The following GRID2 variants were observed in gnomAD, a reference collection of about 807,000 sequenced individuals.
The protein encoded by GRID2 is glutamate ionotropic receptor delta type subunit 2, also known as glutamate receptor ionotropic, delta-2.
Under a neutral mutation model 114.8 loss-of-function variants are expected in GRID2, and 33 were observed. The observed-to-expected ratio is 0.29, with a 90% CI of 0.22 to 0.38. The LOEUF is 0.38. Among genes scored for constraint, GRID2 ranks in the 10% least tolerant of loss-of-function variants. GRID2 has a pLI of 1.00. For synonymous variants in GRID2, 505 were observed against 449.9 expected (o/e 1.12, Z -1.55); for missense variants, 1,184 against 1,257.7 (o/e 0.94, Z 0.89).
chr4:93,558,776 C>G (rs1331217500), intron 13 of GRID2, among the ~76,000 whole-genome samples: 1 of 151,820 alleles, frequency 6.6e-6, no homozygotes, highest in Non-Finnish European at 1.5e-5. Context: ...GGCAGAAACA[C>G]AACAAAAAAA....
chr4:93,669,632 C>T (rs1724233083), intron 14 of GRID2, among the ~76,000 whole-genome samples: 1 of 152,024 alleles, frequency 6.6e-6, no homozygotes, highest in Non-Finnish European at 1.5e-5. Flanking sequence ...ATGTGTCTCC[C>T]CATTCCCTTG....
At chr4:93,427,830 T>C (rs1769003157) in intron 10 of GRID2, among the ~76,000 whole-genome samples, 1 of 152,036 alleles carries the variant, frequency 6.6e-6, no homozygotes, top group Admixed American at 6.6e-5. Context: ...ATTAATGTGT[T>C]CTTAAAATTT....
chr4:92,338,361 G>T (rs914766283), intron 1 of GRID2, among the ~76,000 whole-genome samples: 1 of 152,094 alleles, frequency 6.6e-6, no homozygotes, highest in African/African-American at 2.4e-5. Context: ...TCAATGAAGA[G>T]TATTCACAGA....
intron 4 of GRID2, among the ~76,000 whole-genome samples, chr4:93,136,849 TAA>T: frequency 6.6e-6 from 1 of 152,258 alleles, no homozygotes; most frequent in East Asian, 1.9e-4. Context: ...CAGTAGGGTA[TAA>T]AATACTATCC....
intron 1 of GRID2, among the ~76,000 whole-genome samples, chr4:92,336,741 C>T (rs557223200): frequency 2.2e-4 from 33 of 152,164 alleles, no homozygotes; most frequent in African/African-American, 7.7e-4. Context: ...AGATCTCTAC[C>T]TCCTCACCAA....
chr4:92,584,402 T>C (rs1728325597), intron 1 of GRID2, among the ~76,000 whole-genome samples: 1 of 151,974 alleles, frequency 6.6e-6, no homozygotes, highest in Non-Finnish European at 1.5e-5. Context: ...TTGTGAATAG[T>C]AGCATCTAAA....
chr4:93,090,673 A>G (rs1351186771), intron 3 of GRID2, among the ~76,000 whole-genome samples: 1 of 152,176 alleles, frequency 6.6e-6, no homozygotes, highest in East Asian at 1.9e-4. Flanking sequence ...TCTTCTGCTG[A>G]TCTTTACTTA....
chr4:92,919,100 A>G (rs916028275), intron 2 of GRID2, among the ~76,000 whole-genome samples: 1 of 152,126 alleles, frequency 6.6e-6, no homozygotes, highest in Non-Finnish European at 1.5e-5. Flanking sequence ...GTGTTGAGGA[A>G]TTTATCCATT....
At chr4:93,059,682 T>C (rs1222954773) in intron 2 of GRID2, among the ~76,000 whole-genome samples, 1 of 152,134 alleles carries the variant, frequency 6.6e-6, no homozygotes, top group Non-Finnish European at 1.5e-5. Flanking sequence ...GTTTAACGTT[T>C]TTCTGTTAAG....
At chr4:92,829,477 A>C (rs1409440613) in intron 2 of GRID2, among the ~76,000 whole-genome samples, 1 of 152,152 alleles carries the variant, frequency 6.6e-6, no homozygotes, top group Non-Finnish European at 1.5e-5. Context: ...GAACACCTTT[A>C]CACTGTTGGT....
At chr4:92,355,861 A>G (rs1469923262) in intron 1 of GRID2, among the ~76,000 whole-genome samples, 3 of 151,810 alleles carry the variant, frequency 2.0e-5, no homozygotes, top group African/African-American at 7.2e-5. Context: ...ACTTGTTTTC[A>G]CAAACTTCTC....
chr4:93,074,185 A>G (rs1042115171), intron 2 of GRID2, among the ~76,000 whole-genome samples: 14 of 152,218 alleles, frequency 9.2e-5, no homozygotes, highest in African/African-American at 3.4e-4. Flanking sequence ...AACAAGACAC[A>G]TATCCATATC....
chr4:92,803,394 T>G (rs1315385057), intron 2 of GRID2, among the ~76,000 whole-genome samples: 1 of 152,030 alleles, frequency 6.6e-6, no homozygotes, highest in African/African-American at 2.4e-5. Flanking sequence ...GAAGTTTAAT[T>G]ATTTATATAG....
chr4:92,416,560 C>T (rs984222049), intron 1 of GRID2, among the ~76,000 whole-genome samples: 3 of 152,156 alleles, frequency 2.0e-5, no homozygotes, highest in African/African-American at 7.2e-5. Context: ...GTTTGTGATC[C>T]ATATTGAGTT....
chr4:93,354,446 A>T lies in GRID2; in HGVS notation c.1246-41161A>T, dbSNP rs148430916. The stretch of plus-strand genomic sequence containing the variant: ...CTAAATGTAAGATGAAACAGGAAAG[A>T]AGCAAATTTTTTTGAGGGAAAGAAT... On this transcript the variant is annotated intron_variant, in intron 8 of 15. Coordinates refer to ENST00000282020, the MANE Select transcript of GRID2 (RefSeq NM_001510.4). Among the ~76,000 whole-genome samples, 3 of 152,096 alleles carry T rather than the reference A, an allele frequency of 2.0e-5. No individual in the cohort carries two copies. In the East Asian group the frequency reaches 5.8e-4, roughly 29 times the overall value.
At chr4:92,794,813 A>T (rs904307548) in intron 2 of GRID2, among the ~76,000 whole-genome samples, 1 of 148,268 alleles carries the variant, frequency 6.7e-6, no homozygotes, top group African/African-American at 2.5e-5. Flanking sequence ...TTAACTATCA[A>T]CCGGCTACTG....
At chr4:92,459,474 C>G (rs992190829) in intron 1 of GRID2, among the ~76,000 whole-genome samples, 1 of 152,136 alleles carries the variant, frequency 6.6e-6, no homozygotes, top group Non-Finnish European at 1.5e-5. Flanking sequence ...GTGAAAAGTA[C>G]TACTGCATGA....
chr4:93,792,765 T>C (rs181715049), intron 1 of GRID2, among the ~76,000 whole-genome samples: 7 of 152,340 alleles, frequency 4.6e-5, no homozygotes, highest in Admixed American at 3.9e-4. Flanking sequence ...TTTTAGAGTC[T>C]ATACAACAAG....
chr4:93,710,420 C>T (rs1728385344), intron 14 of GRID2, among the ~76,000 whole-genome samples: 3 of 152,152 alleles, frequency 2.0e-5, no homozygotes, highest in South Asian at 2.1e-4. Flanking sequence ...CTTTACTTTT[C>T]GCTAAACGAA....
Sources: allele counts gnomAD v4.1 joint callset (sites outside exome capture counted in the v4.1 genomes callset), GRCh38; gene constraint gnomAD v4.1.1; transcripts MANE v1.5; gene names NCBI Gene and HGNC (gene_info 2026-07-23, HGNC 2026-07-21).